N4BP1: variants seen among roughly 807,000 people sequenced by gnomAD.
N4BP1 encodes the protein NEDD4 binding protein 1.
A neutral mutation model predicts 70.9 loss-of-function variants in N4BP1; 21 were observed. The ratio of observed to expected loss-of-function variants is 0.30; its 90% CI spans 0.21 to 0.43. The LOEUF (loss-of-function observed/expected upper bound fraction) is 0.43. Among genes scored for constraint, N4BP1 ranks in the 20% least tolerant of loss-of-function variants. The pLI, the probability that N4BP1 is intolerant of heterozygous loss-of-function variation, is 1.00. For missense variants in N4BP1, 936 were observed against 1,069.4 expected, an observed-to-expected ratio of 0.88 and a Z score of 1.74; for synonymous variants, 387 against 394.6, an observed-to-expected ratio of 0.98 and a Z score of 0.23.
intron 4 of N4BP1, among the ~76,000 whole-genome samples, chr16:48,550,646 G>A (rs1196553628): frequency 1.3e-5 from 2 of 152,138 alleles, no homozygotes; most frequent in African/African-American, 4.8e-5. Flanking sequence ...GCTCACACCT[G>A]TAATCTCAGC....
At position 48,546,212 on chromosome 16, in the gene N4BP1, G is replaced by A. The variant is rs372304655; in HGVS notation, c.2268C>T (p.Pro756=). 341 of 1,612,250 alleles carry A rather than the reference G, an allele frequency of 2.1e-4. No individual in the cohort carries two copies. The highest frequency in any genetic ancestry group is 2.6e-4 in the Non-Finnish European group (312 of 1,179,312). The change falls in exon 6 of 7, where the codon CCC becomes CCT. Residue 756 remains proline, a synonymous_variant. Coordinates refer to ENST00000262384, the MANE Select transcript of N4BP1 (RefSeq NM_153029.4). The stretch of plus-strand genomic sequence containing the variant: ...GTCCACTTCTTCCCAGAGGATCATC[G>A]GGAACCATAAATATGTCCCCCACGA... The part of the protein sequence containing the change: ...YTFVGDIFMV[P]DDPLGRSGPR...
chr16:48,565,130 C>A (rs1963921516), intron 1 of N4BP1, among the ~76,000 whole-genome samples: 1 of 152,184 alleles, frequency 6.6e-6, no homozygotes, highest in Non-Finnish European at 1.5e-5. Context: ...AATATTTCTT[C>A]TTTTCTGATT....
intron 1 of N4BP1, among the ~76,000 whole-genome samples, chr16:48,606,853 T>C (rs995672092): frequency 4.6e-5 from 7 of 152,230 alleles, no homozygotes; most frequent in Non-Finnish European, 8.8e-5. Context: ...GAAAAACTCT[T>C]CTTTGCTCTA....
In N4BP1 at chr16:48,562,033, C is replaced by A. The variant is rs760035444; in HGVS notation, c.610G>T (p.Val204Phe). Residue 204 changes from valine (V) to phenylalanine (F), a missense_variant, in exon 2 of 7, where the codon GTT becomes TTT. Physicochemically the swap from Val to Phe is conservative, Grantham distance 50. This residue lies in a region of N4BP1 where 515 missense variants were observed against 491.7 expected (regional missense o/e 1.05). Coordinates refer to ENST00000262384, the MANE Select transcript of N4BP1 (RefSeq NM_153029.4). ...TGTTGAGAATCTCTCATTTCAATAA[C>A]CTCATCATCTCCTGTTTCAAAGAGA... is the stretch of plus-strand genomic sequence containing the variant. ...ENLFETGDDE[V>F]IEMRDSQQTE... is the part of the protein sequence containing the mutation. The A allele has an allele frequency of 3.1e-6, 5 of 1,613,862 alleles. No individual in the cohort carries two copies. The highest frequency in any genetic ancestry group is 4.2e-6 in the Non-Finnish European group (5 of 1,179,874).
chr16:48,561,422 G>C lies in N4BP1; in HGVS notation c.1221C>G (p.Asn407Lys), dbSNP rs375248922. ...FSAGTVYPET[N>K]KTKNKGVYSS... ...TATAAACACCTTTATTTTTGGTTTT[G>C]TTGGTCTCTGGATACACTGTACCAG... The change falls in exon 2 of 7, where the codon AAC becomes AAG. Residue 407 changes from asparagine to lysine, a missense_variant. Physicochemically the swap from Asn to Lys is moderately conservative, Grantham distance 94. Around this residue, in one of 4 missense-constraint regions of N4BP1, gnomAD observed 515 missense variants for 491.7 expected, o/e 1.05. Transcript: ENST00000262384. 11 of 1,613,740 alleles carry C rather than the reference G, an allele frequency of 6.8e-6. No individual in the cohort carries two copies. Among genetic ancestry groups the C allele is most frequent in the Non-Finnish European group, 9.3e-6 (11 of 1,179,860 alleles).
intron 1 of N4BP1, among the ~76,000 whole-genome samples, chr16:48,578,815 CCTT>C (rs1964136044): frequency 6.6e-6 from 1 of 152,212 alleles, no homozygotes; most frequent in South Asian, 2.1e-4. Context: ...TCCAAAAGTA[CCTT>C]CTAAGAAATC....
intron 4 of N4BP1, 33 bp from the exon 5 acceptor site, chr16:48,548,147 A>T: frequency 8.0e-7 from 1 of 1,253,002 alleles, no homozygotes; most frequent in Non-Finnish European, 1.2e-6. Flanking sequence ...AAAATCAGCA[A>T]CAGGCATCCT....
chr16:48,544,870 G>A (rs1963566081), intron 6 of N4BP1, among the ~76,000 whole-genome samples: 2 of 152,140 alleles, frequency 1.3e-5, no homozygotes. Flanking sequence ...GACCCCATCA[G>A]GCACTCGTGA....
At chr16:48,545,171 G>A (rs1453214931) in intron 6 of N4BP1, among the ~76,000 whole-genome samples, 1 of 151,872 alleles carries the variant, frequency 6.6e-6, no homozygotes, top group Non-Finnish European at 1.5e-5. Flanking sequence ...CACCATGTTG[G>A]CCAGGATGGT....
chr16:48,572,217 A>G (rs532823022), intron 1 of N4BP1, among the ~76,000 whole-genome samples: 7 of 152,294 alleles, frequency 4.6e-5, no homozygotes, highest in African/African-American at 1.7e-4. Context: ...TAAATAAAAT[A>G]CATAAGAACT....
At chr16:48,586,487 G>A (rs1720831261) in intron 1 of N4BP1, among the ~76,000 whole-genome samples, 2 of 151,884 alleles carry the variant, frequency 1.3e-5, no homozygotes, top group South Asian at 4.2e-4. Context: ...GTAACTACAC[G>A]ATTAGTTTAC....
chr16:48,560,550 A>C, intron 2 of N4BP1: 1 of 560,290 alleles, frequency 1.8e-6, no homozygotes, highest in South Asian at 2.7e-5. Context: ...TAAGTTCAGC[A>C]GGGTGAAGTA....
intron 2 of N4BP1, among the ~76,000 whole-genome samples, chr16:48,554,952 C>G (rs1360918986): frequency 6.6e-6 from 1 of 152,244 alleles, no homozygotes; most frequent in East Asian, 1.9e-4. Context: ...CAGAAAGGAT[C>G]TGGCCAAGTG....
At chr16:48,546,004 G>A (rs762004561) in intron 6 of N4BP1, 143 bp downstream of exon 6, 85 of 514,370 alleles carry the variant, frequency 1.7e-4, no homozygotes, top group Middle Eastern at 1.0e-3. Context: ...TTCCAGCCTC[G>A]GTGACAGAGG....
chr16:48,552,612 C>T (rs1324343761), intron 3 of N4BP1, among the ~76,000 whole-genome samples: 1 of 142,342 alleles, frequency 7.0e-6, no homozygotes, highest in Non-Finnish European at 1.5e-5. Context: ...GCAGAAGAAT[C>T]ACTTGAACCC....
At chr16:48,557,442 C>T (rs1963772352) in intron 2 of N4BP1, among the ~76,000 whole-genome samples, 1 of 152,168 alleles carries the variant, frequency 6.6e-6, no homozygotes, top group Non-Finnish European at 1.5e-5. Context: ...TTTTAAGCCA[C>T]TTCATGTTGT....
chr16:48,584,150 T>C (rs1192115082), intron 1 of N4BP1, among the ~76,000 whole-genome samples: 1 of 152,228 alleles, frequency 6.6e-6, no homozygotes, highest in Non-Finnish European at 1.5e-5. Context: ...TGATCTTGGC[T>C]AGGAATCTGA....
chr16:48,595,533 C>T (rs1306561048), intron 1 of N4BP1, among the ~76,000 whole-genome samples: 2 of 147,604 alleles, frequency 1.4e-5, no homozygotes, highest in African/African-American at 2.5e-5. Flanking sequence ...CAGTAAAGTA[C>T]ATTCTTGTAA....
At chr16:48,558,326 A>G (rs982018375) in intron 2 of N4BP1, among the ~76,000 whole-genome samples, 1 of 150,614 alleles carries the variant, frequency 6.6e-6, no homozygotes, top group East Asian at 1.9e-4. Flanking sequence ...ATAAAAAAAG[A>G]AAGCTTGCAG....
Sources: gnomAD v4.1 joint callset for allele counts (sites outside exome capture counted in the v4.1 genomes callset) on GRCh38, gnomAD v4.1.1 for gene constraint, gnomAD v4.1.1 regional missense constraint, MANE v1.5 for transcripts, NCBI Gene and HGNC (gene_info 2026-07-23, HGNC 2026-07-21) for gene names.